The following BZW1 variants were observed in gnomAD, a reference collection of about 807,000 sequenced individuals.
BZW1 encodes the protein basic leucine zipper and W2 domains 1, also known as eIF5-mimic protein 2.
A neutral mutation model predicts 54.1 loss-of-function variants in BZW1; 3 were observed. The observed-to-expected ratio is 0.06, with a 90% confidence interval of 0.03 to 0.14. BZW1 has a LOEUF of 0.14. BZW1 is among the 10% of genes least tolerant of loss of function. The pLI is 1.00. For synonymous variants in BZW1, 152 were observed against 162.7 expected (o/e 0.93, Z 0.50); for missense variants, 206 against 491.7 (o/e 0.42, Z 5.50).
intron 10 of BZW1, 122 bp downstream of exon 10, chr2:200,820,242 T>G: frequency 1.1e-6 from 1 of 887,724 alleles, no homozygotes. Context: ...TAGTTATGAG[T>G]CACCTCTGAT....
At chr2:200,815,252 T>A in intron 2 of BZW1, 89 bp from the exon 3 acceptor site, 1 of 1,302,572 alleles carries the variant, frequency 7.7e-7, no homozygotes, top group Non-Finnish European at 1.0e-6. Context: ...TCTAACTTAT[T>A]TAACAATTGC....
Position 200,821,238 on chromosome 2 carries a change from A to C in BZW1, c.1161A>C (p.Ala387=), listed in dbSNP as rs371663019. Residue 387 remains alanine (A), a synonymous_variant, in exon 11 of 12, where the codon GCA becomes GCC. Transcript: ENST00000409600. ...AGTGGTATAAAGATGCACATGTTGC[A>C]AAGGGGAAGAGTGTTTTCCTTGAGC... The part of the protein sequence containing the change: ...ILKWYKDAHV[A]KGKSVFLEQM... 2.2e-5 allele frequency: 35 copies of C among 1,612,642 alleles called. No homozygotes were observed. The highest frequency in any genetic ancestry group is 8.0e-5 in the African/African-American group (6 of 74,904).
intron 9 of BZW1, chr2:200,819,166 A>T: frequency 2.6e-6 from 1 of 387,954 alleles, no homozygotes; most frequent in Non-Finnish European, 4.6e-6. Context: ...CAAGGGCAGG[A>T]GGATTGCTTG....
Position 200,821,179 on chromosome 2 carries a change from C to T in BZW1, c.1106-4C>T, listed in dbSNP as rs1220506738. ...TCCCTTAATGCAATGAGTTTTCTTT[C>T]CAGCTGAAGTCCTGAGCGAGGAGCC... is the stretch of plus-strand genomic sequence containing the variant. On this transcript the variant is annotated splice_polypyrimidine_tract_variant and splice_region_variant and intron_variant, in intron 10 of 11. Coordinates refer to ENST00000409600, the MANE Select transcript of BZW1 (RefSeq NM_001207067.2). 2 of 1,611,136 alleles carry T rather than the reference C, an allele frequency of 1.2e-6. No individual in the cohort carries two copies. Among genetic ancestry groups the T allele is most frequent in the Non-Finnish European group, 1.7e-6 (2 of 1,179,346 alleles).
intron 6 of BZW1, 99 bp from the exon 7 acceptor site, chr2:200,817,875 A>G: frequency 1.2e-6 from 1 of 803,040 alleles, no homozygotes; most frequent in Non-Finnish European, 1.9e-6. Context: ...GAAAGTCAGT[A>G]ATCCCATGTG....
At chr2:200,821,143 T>G (rs2038493140) in intron 10 of BZW1, 40 bp from the exon 11 acceptor site, 1 of 1,606,030 alleles carries the variant, frequency 6.2e-7, no homozygotes, top group African/African-American at 1.3e-5. Flanking sequence ...CTGAGTAGAG[T>G]ATATTAAAAC....
rs2105715107 is a variant in BZW1, at chr2:200,825,779, G to A, written c.*3601G>A. On this transcript the variant is annotated 3_prime_UTR_variant, in exon 12 of 12. Transcript: ENST00000409600. ...CTCATACTGAAGTAGGCTGCTTGCA[G>A]GAACTGACAACTATTGGTTGGCTTT... 6.6e-6 allele frequency: 1 copy of A among 152,350 alleles called. No homozygotes were observed. The highest frequency in any genetic ancestry group is 1.9e-4 in the East Asian group (1 of 5,192). The allele number at this position is 152,350 out of a possible 1,614,324, so 9.4% of individuals were successfully genotyped here. A position where few individuals can be genotyped will look rare whatever the true frequency, so the allele number is the denominator to read the frequency against.
intron 6 of BZW1, 97 bp downstream of exon 6, chr2:200,817,338 G>T (rs1282856999): frequency 1.4e-6 from 2 of 1,413,756 alleles, no homozygotes; most frequent in Non-Finnish European, 1.9e-6. Flanking sequence ...GAAAGTCTTC[G>T]TTTATTAACC....
At chr2:200,818,179 A>C in intron 7 of BZW1, 44 bp from the exon 8 acceptor site, 1 of 1,517,076 alleles carries the variant, frequency 6.6e-7, no homozygotes, top group Non-Finnish European at 8.8e-7. Flanking sequence ...TGTTTTTCTT[A>C]ATCTGATTTA....
At chr2:200,821,943 C>T (rs6705053) in intron 11 of BZW1, among the ~76,000 whole-genome samples, 147,740 of 152,158 alleles carry the variant, frequency 0.97, 71,875 homozygotes, top group East Asian at 1. Context: ...GTGGTGGGCG[C>T]CTGTAGTTCC....
chr2:200,818,734 TA>T lies in BZW1; in HGVS notation c.820-18del. ...CATAATCAAAACTGACTTCTGTTAC[TA>T]AATTTGGATTCATTTGCAGATAATT... On this transcript the variant is annotated intron_variant, in intron 8 of 11. Transcript: ENST00000409600. The T allele has an allele frequency of 6.4e-7, 1 of 1,572,350 alleles. No homozygotes were observed.
chr2:200,821,809 G>T (rs1000789194), intron 11 of BZW1, among the ~76,000 whole-genome samples: 3 of 152,172 alleles, frequency 2.0e-5, no homozygotes, highest in Admixed American at 1.3e-4. Flanking sequence ...GGTGGCTCAC[G>T]CCTGTAATCC....
chr2:200,818,438 A>C, intron 8 of BZW1, 45 bp downstream of exon 8: 1 of 1,572,114 alleles, frequency 6.4e-7, no homozygotes, highest in South Asian at 1.2e-5. Context: ...AGCTTCTGGC[A>C]TAGAGATTTT....
intron 10 of BZW1, among the ~76,000 whole-genome samples, chr2:200,820,937 C>A (rs2038485477): frequency 6.6e-6 from 1 of 152,184 alleles, no homozygotes. Flanking sequence ...AAAGACAAGA[C>A]CTCTGTTGGG....
At chr2:200,815,303 T>A (rs1480657391) in intron 2 of BZW1, 38 bp from the exon 3 acceptor site, 2 of 1,553,752 alleles carry the variant, frequency 1.3e-6, no homozygotes, top group East Asian at 4.5e-5. Context: ...TTGGTAAATC[T>A]TTTAAAACTA....
Position 200,825,004 on chromosome 2 carries a change from T to C in BZW1, c.*2826T>C, listed in dbSNP as rs2038655072. On this transcript the variant is annotated 3_prime_UTR_variant, in exon 12 of 12. Coordinates refer to ENST00000409600, the MANE Select transcript of BZW1 (RefSeq NM_001207067.2). ...TTTCTAATAGAGTCCCCCATAAATTTTATTACCATAGATACGCTGTGTATG... is the reference window on the plus strand; with the variant it reads ...TTTCTAATAGAGTCCCCCATAAATTCTATTACCATAGATACGCTGTGTATG... 1 of 151,914 alleles carries C rather than the reference T, an allele frequency of 6.6e-6. No homozygotes were observed. Among genetic ancestry groups the C allele is most frequent in the African/African-American group, 2.4e-5 (1 of 41,338 alleles). The allele number at this position is 151,914 out of a possible 1,614,324, so 9.4% of individuals were successfully genotyped here.
chr2:200,817,297 A>G, intron 6 of BZW1, 56 bp downstream of exon 6: 5 of 1,582,320 alleles, frequency 3.2e-6, no homozygotes, highest in Middle Eastern at 1.7e-4. Context: ...GGATAAGAGC[A>G]TGGTTTACTG....
intron 2 of BZW1, chr2:200,813,506 A>T (rs1436771364): frequency 7.9e-6 from 3 of 380,272 alleles, no homozygotes; most frequent in Non-Finnish European, 1.4e-5. Flanking sequence ...CCGGTTAGTG[A>T]ATCTTCTTTT....
rs2038696885 is a variant in BZW1, at chr2:200,826,401, ATAGATATT to A, written c.*4225_*4232del. 2 of 65,242 alleles carry A rather than the reference ATAGATATT, an allele frequency of 3.1e-5. No homozygotes were observed. Among genetic ancestry groups the A allele is most frequent in the African/African-American group, 1.1e-4 (2 of 18,152 alleles). The allele number at this position is 65,242 out of a possible 1,614,324, so 4.0% of individuals were successfully genotyped here. On this transcript the variant is annotated 3_prime_UTR_variant, in exon 12 of 12. Coordinates refer to ENST00000409600, the MANE Select transcript of BZW1 (RefSeq NM_001207067.2). ...GATAGATAGATAGATAGATAGATAG[ATAGATATT>A]TTTTTTTTTTTTTTTTTTTTTTTTT...
Sources: allele counts gnomAD v4.1 joint callset (sites outside exome capture counted in the v4.1 genomes callset), GRCh38; gene constraint gnomAD v4.1.1; transcripts MANE v1.5; gene names NCBI Gene and HGNC (gene_info 2026-07-23, HGNC 2026-07-21).